Variants in RBFOX3 observed in about 807,000 individuals in gnomAD.
RBFOX3 encodes the protein RNA binding fox-1 homolog 3, also known as RNA binding protein fox-1 homolog 3.
A neutral mutation model predicts 48.7 loss-of-function variants in RBFOX3; 17 were observed. The ratio of observed to expected loss-of-function variants is 0.35; its 90% CI spans 0.24 to 0.52. The LOEUF is 0.52. RBFOX3 is among the 20% of genes least tolerant of loss of function. The pLI, the probability that RBFOX3 is intolerant of heterozygous loss-of-function variation, is 0.94. For missense variants in RBFOX3, 382 were observed against 497.5 expected, an observed-to-expected ratio of 0.77 and a Z score of 2.21; for synonymous variants, 212 against 209.5, an observed-to-expected ratio of 1.01 and a Z score of -0.10.
the RBFOX3 span, among the ~76,000 whole-genome samples, chr17:79,650,974 A>T: frequency 6.6e-6 from 1 of 152,026 alleles, no homozygotes; most frequent in African/African-American, 2.4e-5. Flanking sequence ...TGCACCCGGG[A>T]CTCGCCTGAG....
intron 2 of RBFOX3, among the ~76,000 whole-genome samples, chr17:79,325,903 T>G (rs1225071756): frequency 6.6e-6 from 1 of 152,174 alleles, no homozygotes; most frequent in East Asian, 1.9e-4. Flanking sequence ...CCGGGAGCTG[T>G]CCGGTGCTGA....
intron 1 of RBFOX3, among the ~76,000 whole-genome samples, chr17:79,605,071 C>T (rs1199851963): frequency 3.9e-5 from 6 of 152,140 alleles, no homozygotes; most frequent in Non-Finnish European, 5.9e-5. Context: ...CCATGGTGTT[C>T]GGGCTGCTCA....
chr17:79,179,595 A>T (rs1293087872), intron 4 of RBFOX3, among the ~76,000 whole-genome samples: 1 of 150,548 alleles, frequency 6.6e-6, no homozygotes, highest in Non-Finnish European at 1.5e-5. Flanking sequence ...GGAGCCATTT[A>T]CTGGCTTGCA....
intron 1 of RBFOX3, among the ~76,000 whole-genome samples, chr17:79,543,127 C>T (rs1401188915): frequency 7.9e-5 from 12 of 152,164 alleles, no homozygotes; most frequent in Non-Finnish European, 2.9e-5. Context: ...GGCAGCTGAA[C>T]GGTAAAGGGG....
rs184208968 is a variant in RBFOX3 at position 79,382,699 on chromosome 17, G to A, written c.-174-74875C>T. ...TTCAGTGCCAGCATCCTCGCAAACA[G>A]CTTCTGAATGCCATTCACCCAATGT... On this transcript the variant is annotated intron_variant, in intron 2 of 14. Transcript: ENST00000693108. Among the ~76,000 whole-genome samples the A allele has an allele frequency of 7.2e-5, 11 of 152,346 alleles. No homozygotes were observed. The East Asian group carries it at 2.1e-3, about 29-fold the overall frequency.
Position 79,111,196 on chromosome 17 carries a change from C to T in RBFOX3, c.222+4298G>A, listed in dbSNP as rs544264407. 1.6e-4 allele frequency among the ~76,000 whole-genome samples: 24 copies of T among 152,318 alleles called. No individual in the cohort carries two copies. Among genetic ancestry groups the T allele is most frequent in the South Asian group, 6.2e-4 (3 of 4,826 alleles). ...GCAGAGAGGCCTCCAGGGACCTGGGCGCACAGGCATCTATGCCTGCAGTGA... is the reference window on the plus strand; with the variant it reads ...GCAGAGAGGCCTCCAGGGACCTGGGTGCACAGGCATCTATGCCTGCAGTGA... On this transcript the variant is annotated intron_variant, in intron 5 of 14. Transcript: ENST00000693108. This position sits in a 1 kb window ranked among gnomAD's most constrained non-coding sequence, Gnocchi z 4.2.
At position 79,131,268 on chromosome 17, in the gene RBFOX3, CTCCATGTGCCCTCCGTGTGTAT is replaced by C. The variant is rs370269993; in HGVS notation, c.-33-15542_-33-15521del. On this transcript the variant is annotated intron_variant, in intron 4 of 14. Transcript: ENST00000693108. ...TGTGCCCATGTGTGCTCCGCTCAGTCTCCATGTGCCCTCCGTGTGTATTCCATGTGCCCTCCGTGTGCTGTGC... is the reference window on the plus strand; with the variant it reads ...TGTGCCCATGTGTGCTCCGCTCAGTCTCCATGTGCCCTCCGTGTGCTGTGC... Among the ~76,000 whole-genome samples the C allele has an allele frequency of 1.3e-3, 205 of 152,212 alleles. 2 individuals are homozygous for C. The highest frequency in any genetic ancestry group is 4.5e-3 in the African/African-American group (185 of 41,520).
intron 2 of RBFOX3, among the ~76,000 whole-genome samples, chr17:79,366,777 C>G (rs1022133195): frequency 1.3e-5 from 2 of 152,226 alleles, no homozygotes; most frequent in East Asian, 3.8e-4. Context: ...CCCAGCAGGA[C>G]GACCCTTGTC....
At chr17:79,552,961 T>A (rs913592907) in intron 1 of RBFOX3, among the ~76,000 whole-genome samples, 76 of 152,218 alleles carry the variant, frequency 5.0e-4, no homozygotes, top group Admixed American at 1.9e-3. Context: ...AGGGTAATAC[T>A]TTTAGCCCCT....
chr17:79,526,222 G>T (rs1209860410), intron 1 of RBFOX3, among the ~76,000 whole-genome samples: 1 of 152,154 alleles, frequency 6.6e-6, no homozygotes, highest in Non-Finnish European at 1.5e-5. Flanking sequence ...AGGGGAGTGT[G>T]ACTCTCAGGT....
intron 3 of RBFOX3, among the ~76,000 whole-genome samples, chr17:79,247,756 A>G (rs1176480824): frequency 6.6e-6 from 1 of 152,196 alleles, no homozygotes; most frequent in Non-Finnish European, 1.5e-5. Flanking sequence ...GCAAGGCAGG[A>G]CCCTGGCTGT....
At chr17:79,642,682 A>G in the RBFOX3 span, among the ~76,000 whole-genome samples, 9 of 152,240 alleles carry the variant, frequency 5.9e-5, no homozygotes, top group Non-Finnish European at 1.3e-4. Flanking sequence ...TATATAAATT[A>G]AAATGGAACA....
At chr17:79,624,279 G>T in the RBFOX3 span, among the ~76,000 whole-genome samples, 2 of 152,070 alleles carry the variant, frequency 1.3e-5, no homozygotes, top group Non-Finnish European at 2.9e-5. Context: ...TCAGCTCCCG[G>T]ATCAGGGTCT....
chr17:79,506,612 A>G (rs1411953796), intron 1 of RBFOX3, among the ~76,000 whole-genome samples: 1 of 152,202 alleles, frequency 6.6e-6, no homozygotes, highest in Non-Finnish European at 1.5e-5. Flanking sequence ...TGGCGAGGAA[A>G]GAGCCAAGGA....
intron 2 of RBFOX3, among the ~76,000 whole-genome samples, chr17:79,404,472 C>T (rs888239970): frequency 5.3e-5 from 8 of 152,224 alleles, no homozygotes; most frequent in Admixed American, 3.9e-4. Context: ...GCCCAGGTCA[C>T]GCAGCTGGCC....
At chr17:79,101,460 G>A in intron 9 of RBFOX3, 124 bp downstream of exon 9, 1 of 859,264 alleles carries the variant, frequency 1.2e-6, no homozygotes, top group East Asian at 2.7e-5. Flanking sequence ...CCCCAGGGCT[G>A]GGACACTGGG....
intron 4 of RBFOX3, among the ~76,000 whole-genome samples, chr17:79,174,533 GCA>G (rs201240691): frequency 0.033 from 5,000 of 149,708 alleles, 254 homozygotes; most frequent in African/African-American, 0.12. Context: ...ACAGACACAT[GCA>G]CAGTCACACA....
In RBFOX3 at chr17:79,210,624, G is replaced by A. The variant is rs976461503; in HGVS notation, c.-34+25142C>T. ...TTTCTCAGGGATATGGTCCCGGGGC[G>A]GGATTATGGAATTGAAGGGTCGGGT... is the stretch of plus-strand genomic sequence containing the variant. On this transcript the variant is annotated intron_variant, in intron 4 of 14. Coordinates refer to ENST00000693108, the MANE Select transcript of RBFOX3 (RefSeq NM_001350451.2). Among the ~76,000 whole-genome samples the A allele has an allele frequency of 3.3e-5, 5 of 152,220 alleles. 1 individual carries two copies. The highest frequency in any genetic ancestry group is 3.8e-4 in the East Asian group (2 of 5,202).
At chr17:79,126,846 A>G (rs1013941336) in intron 4 of RBFOX3, among the ~76,000 whole-genome samples, 1 of 152,082 alleles carries the variant, frequency 6.6e-6, no homozygotes, top group East Asian at 1.9e-4. Flanking sequence ...CCTTCAGTCC[A>G]CCTCAGAACA....
Sources: allele counts gnomAD v4.1 joint callset (sites outside exome capture counted in the v4.1 genomes callset), GRCh38; gene constraint gnomAD v4.1.1; non-coding constraint Gnocchi (gnomAD v3.1); transcripts MANE v1.5; gene names NCBI Gene and HGNC (gene_info 2026-07-23, HGNC 2026-07-21).